Variants in TMEM161B observed in about 807,000 individuals in gnomAD.
The protein encoded by TMEM161B is transmembrane protein 161B.
TMEM161B carries 34 observed loss-of-function variants against 61.8 expected under a neutral mutation model. That is an observed-to-expected ratio of 0.55 (90% CI 0.42 to 0.73). The LOEUF (loss-of-function observed/expected upper bound fraction) is 0.73, where lower values mean the gene tolerates loss of function less well. Ranked by LOEUF, TMEM161B falls within the 30% of genes least tolerant of loss-of-function variation. TMEM161B has a pLI of 0.00. For synonymous variants in TMEM161B, 167 were observed against 192.8 expected, an observed-to-expected ratio of 0.87 and a Z score of 1.11; for missense variants, 456 against 558.5, an observed-to-expected ratio of 0.82 and a Z score of 1.85.
intron 1 of TMEM161B, among the ~76,000 whole-genome samples, chr5:88,258,874 T>C (rs1411005504): frequency 6.6e-6 from 1 of 152,162 alleles, no homozygotes; most frequent in Non-Finnish European, 1.5e-5. Flanking sequence ...TATAAACAAA[T>C]AATTTAGATT....
chr5:88,248,763 A>G (rs1753949866), intron 1 of TMEM161B, among the ~76,000 whole-genome samples: 1 of 151,964 alleles, frequency 6.6e-6, no homozygotes, highest in Admixed American at 6.6e-5. Flanking sequence ...AGATCCAAGA[A>G]GACAAAAAAG....
intron 8 of TMEM161B, among the ~76,000 whole-genome samples, 199 bp from the exon 9 acceptor site, chr5:88,203,274 CTTAAT>C (rs1401536035): frequency 2.0e-5 from 3 of 151,994 alleles, no homozygotes; most frequent in Admixed American, 6.6e-5. Flanking sequence ...ATATCATTAT[CTTAAT>C]TTTTCAAATG....
At chr5:88,206,594 A>T (rs1170689018) in intron 6 of TMEM161B, 95 bp from the exon 7 acceptor site, 1 of 1,250,792 alleles carries the variant, frequency 8.0e-7, no homozygotes, top group Non-Finnish European at 1.1e-6. Context: ...AAAACAGAGC[A>T]TCTTAAATTT....
At chr5:88,227,739 A>G (rs1452016982) in intron 3 of TMEM161B, among the ~76,000 whole-genome samples, 4 of 152,214 alleles carry the variant, frequency 2.6e-5, no homozygotes, top group Admixed American at 1.3e-4. Flanking sequence ...ATCATTTCAG[A>G]GTCACAGGGG....
intron 1 of TMEM161B, among the ~76,000 whole-genome samples, chr5:88,246,997 G>A (rs1753703307): frequency 6.6e-6 from 1 of 151,862 alleles, no homozygotes; most frequent in Non-Finnish European, 1.5e-5. Flanking sequence ...CTGGAACTGG[G>A]GAAAGCCATT....
intron 2 of TMEM161B, among the ~76,000 whole-genome samples, chr5:88,228,733 T>C (rs898711284): frequency 6.6e-6 from 1 of 152,152 alleles, no homozygotes; most frequent in African/African-American, 2.4e-5. Context: ...AACCACTTAC[T>C]AGATGCCAGG....
chr5:88,216,649 A>G (rs1249938651), intron 5 of TMEM161B, among the ~76,000 whole-genome samples: 1 of 152,220 alleles, frequency 6.6e-6, no homozygotes, highest in African/African-American at 2.4e-5. Flanking sequence ...GAGGCAACGG[A>G]AAGGTAGTAC....
downstream of TMEM161B, among the ~76,000 whole-genome samples, chr5:88,194,464 G>A (rs75762615): frequency 0.019 from 2,845 of 152,088 alleles, 72 homozygotes; most frequent in African/African-American, 0.064. Context: ...GATGAGTGCA[G>A]GTCTCTTTTT....
chr5:88,197,871 A>C (rs1749958153), intron 10 of TMEM161B, 106 bp from the exon 11 acceptor site: 4 of 887,690 alleles, frequency 4.5e-6, no homozygotes, highest in Non-Finnish European at 6.7e-6. Context: ...TAATCCTTTC[A>C]CAAGAAGGAA....
At chr5:88,196,558 C>A (rs890005156) in intron 11 of TMEM161B, 70 bp from the exon 12 acceptor site, 3 of 1,441,346 alleles carry the variant, frequency 2.1e-6, no homozygotes, top group Non-Finnish European at 2.8e-6. Flanking sequence ...AAAAAAAAAT[C>A]TTCCTATATT....
rs746854349 is a variant in TMEM161B at position 88,199,089 on chromosome 5, G to A, written c.976C>T (p.Arg326Trp). ...LWLIILLCAL[R>W]LAMMRSHLQA... ...AGGTGACTACGCATCATGGCCAACC[G>A]CAAAGCACACAGCAGGATTATTAAC... Residue 326 changes from arginine to tryptophan, a missense_variant, in exon 10 of 12, where the codon CGG becomes TGG. By Grantham distance (101) the Arg-to-Trp change is moderately radical (BLOSUM62 -3). This residue lies in a region of TMEM161B where 367 missense variants were observed against 427.3 expected (regional missense o/e 0.86). Coordinates refer to ENST00000296595, the MANE Select transcript of TMEM161B (RefSeq NM_153354.5). The A allele has an allele frequency of 6.2e-6, 10 of 1,612,664 alleles. No individual in the cohort carries two copies. The highest frequency in any genetic ancestry group is 2.7e-5 in the African/African-American group (2 of 74,770).
At chr5:88,268,689 G>A in intron 1 of TMEM161B, 32 bp downstream of exon 1, 1 of 1,613,960 alleles carries the variant, frequency 6.2e-7, no homozygotes, top group Non-Finnish European at 8.5e-7. Context: ...TCGCCCCACC[G>A]TTGTCACTCC....
intron 1 of TMEM161B, among the ~76,000 whole-genome samples, chr5:88,242,439 T>A (rs1457425592): frequency 1.3e-5 from 2 of 151,762 alleles, no homozygotes; most frequent in African/African-American, 4.8e-5. Flanking sequence ...AAAATAAAGT[T>A]GAATTCCTAC....
chr5:88,222,360 C>T (rs1183745233), intron 4 of TMEM161B, among the ~76,000 whole-genome samples: 3 of 152,090 alleles, frequency 2.0e-5, no homozygotes, highest in Non-Finnish European at 2.9e-5. Context: ...TGAGCCACTG[C>T]CCCCAGCCCT....
chr5:88,240,725 A>G, intron 2 of TMEM161B, 88 bp downstream of exon 2: 1 of 1,048,136 alleles, frequency 9.5e-7, no homozygotes, highest in Non-Finnish European at 1.4e-6. Context: ...CTTTTGTTAA[A>G]GTTTTAGAAA....
intron 1 of TMEM161B, among the ~76,000 whole-genome samples, chr5:88,263,950 C>T (rs548641993): frequency 6.6e-6 from 1 of 152,190 alleles, no homozygotes; most frequent in African/African-American, 2.4e-5. Context: ...CTGAATGTTT[C>T]CTCTAAAAGT....
intron 4 of TMEM161B, chr5:88,221,807 T>C (rs1749040730): frequency 2.2e-6 from 1 of 453,744 alleles, no homozygotes; most frequent in African/African-American, 2.0e-5. Context: ...AATTCAGATG[T>C]TCTTATGGCA....
downstream of TMEM161B, among the ~76,000 whole-genome samples, chr5:88,187,248 C>CT (rs1318683857): frequency 6.6e-6 from 1 of 152,186 alleles, no homozygotes; most frequent in African/African-American, 2.4e-5. Flanking sequence ...CACAACATCA[C>CT]TTTATAGTAA....
chr5:88,224,965 GTTTTTTTTTTT>G (rs1008381182), intron 4 of TMEM161B, among the ~76,000 whole-genome samples: 1 of 131,108 alleles, frequency 7.6e-6, no homozygotes, highest in Non-Finnish European at 1.6e-5. Context: ...ATATGTTTTT[GTTTTTTTTTTT>G]TTTTTTTTTG....
Sources: allele counts gnomAD v4.1 joint callset (sites outside exome capture counted in the v4.1 genomes callset), GRCh38; gene constraint gnomAD v4.1.1; regional missense constraint gnomAD v4.1.1; transcripts MANE v1.5; gene names NCBI Gene and HGNC (gene_info 2026-07-23, HGNC 2026-07-21).